Variants in VPS13B observed in about 807,000 individuals in gnomAD.
The protein encoded by VPS13B is vacuolar protein sorting 13 homolog B, also known as intermembrane lipid transfer protein VPS13B.
A neutral mutation model predicts 426.4 loss-of-function variants in VPS13B; 285 were observed. The observed-to-expected ratio is 0.67, with a 90% CI of 0.61 to 0.74. The LOEUF is 0.74. VPS13B is among the 30% of genes least tolerant of loss of function. The pLI is 0.00. For missense variants in VPS13B, 4,537 were observed against 4,782.6 expected, an observed-to-expected ratio of 0.95 and a Z score of 1.51; for synonymous variants, 1,676 against 1,676.4, an observed-to-expected ratio of 1.00 and a Z score of 0.01.
intron 25 of VPS13B, among the ~76,000 whole-genome samples, chr8:99,494,091 T>A (rs958191774): frequency 6.6e-6 from 1 of 152,136 alleles, no homozygotes; most frequent in African/African-American, 2.4e-5. Flanking sequence ...TTTGTTACTG[T>A]ACAATCATGA....
rs192796922 is a variant in VPS13B at position 99,724,344 on chromosome 8, C to G, written c.7050+3297C>G. ...AATTTCATCTGTTGTCAGAATCATT[C>G]TCCTACCATATGTGATTATTTCTGG... On this transcript the variant is annotated intron_variant, in intron 39 of 61. Coordinates refer to ENST00000357162, the MANE Select transcript of VPS13B (RefSeq NM_152564.5). Among the ~76,000 whole-genome samples the G allele has an allele frequency of 2.6e-5, 4 of 152,156 alleles. No homozygotes were observed. In the South Asian group the frequency reaches 8.3e-4, roughly 32 times the overall value.
intron 19 of VPS13B, among the ~76,000 whole-genome samples, chr8:99,277,994 G>T (rs536576717): frequency 3.1e-4 from 47 of 152,208 alleles, no homozygotes; most frequent in Non-Finnish European, 3.8e-4. Flanking sequence ...GGAAGAAAAA[G>T]ATGTTAGGTG....
chr8:99,198,852 A>G (rs186378415), intron 17 of VPS13B, among the ~76,000 whole-genome samples: 193 of 152,084 alleles, frequency 1.3e-3, no homozygotes, highest in Non-Finnish European at 2.1e-3. Flanking sequence ...TTTCCCCCCG[A>G]GAACAAAACC....
At chr8:99,797,248 T>A (rs891001343) in intron 43 of VPS13B, 1 of 150,254 alleles carries the variant, frequency 6.7e-6, no homozygotes, top group Non-Finnish European at 1.5e-5. Context: ...TTATTATTAT[T>A]TTTTTTTTTG....
chr8:99,623,657 A>G lies in VPS13B; in HGVS notation c.5221-18154A>G, dbSNP rs141834163. 2.3e-3 allele frequency among the ~76,000 whole-genome samples: 351 copies of G among 152,306 alleles called. 2 individuals are homozygous for G. Among genetic ancestry groups the G allele is most frequent in the African/African-American group, 7.9e-3 (327 of 41,552 alleles). On this transcript the variant is annotated intron_variant, in intron 33 of 61. Transcript: ENST00000357162. ...GCTTCTGGTAGCAGTTGACCAATAC[A>G]GAGCCTTATGTGGTAAAACTACAGA...
intron 16 of VPS13B, among the ~76,000 whole-genome samples, chr8:99,184,819 C>T (rs969058298): frequency 3.9e-5 from 6 of 151,984 alleles, no homozygotes; most frequent in Non-Finnish European, 5.9e-5. Context: ...GGCGAAACCC[C>T]GTCTCTACCA....
chr8:99,448,411 T>A (rs1327102204), intron 23 of VPS13B, among the ~76,000 whole-genome samples: 1 of 152,150 alleles, frequency 6.6e-6, no homozygotes, highest in East Asian at 1.9e-4. Context: ...TCTCTTTTGG[T>A]CTTAAAAAAC....
At chr8:99,534,683 G>A (rs894765853) in intron 30 of VPS13B, among the ~76,000 whole-genome samples, 8 of 152,046 alleles carry the variant, frequency 5.3e-5, no homozygotes, top group Non-Finnish European at 1.2e-4. Flanking sequence ...TGGGACTTCT[G>A]GAATATGATG....
intron 16 of VPS13B, among the ~76,000 whole-genome samples, chr8:99,190,552 G>T (rs1231685045): frequency 6.6e-6 from 1 of 151,356 alleles, no homozygotes; most frequent in African/African-American, 2.4e-5. Flanking sequence ...ATTCCACTCT[G>T]TCTACACTAT....
intron 30 of VPS13B, among the ~76,000 whole-genome samples, chr8:99,521,641 G>C (rs549943270): frequency 3.3e-5 from 5 of 152,262 alleles, no homozygotes; most frequent in African/African-American, 1.2e-4. Context: ...AGACAGAAAA[G>C]TACAGTTGCA....
intron 17 of VPS13B, among the ~76,000 whole-genome samples, chr8:99,270,136 T>TTTTTTTTTTTTTTTTTTTC (rs1818509183): frequency 1.3e-5 from 1 of 77,722 alleles, no homozygotes; most frequent in Non-Finnish European, 2.5e-5. Context: ...AGAATCTTTT[T>TTTTTTTTTTTTTTTTTTTC]TTTTTTTTTT....
chr8:99,332,630 G>C (rs1810607205), intron 19 of VPS13B, among the ~76,000 whole-genome samples: 1 of 151,562 alleles, frequency 6.6e-6, no homozygotes, highest in Non-Finnish European at 1.5e-5. Flanking sequence ...ACAGTCATAG[G>C]CTATTCTTCA....
intron 17 of VPS13B, among the ~76,000 whole-genome samples, chr8:99,224,637 A>G (rs1815913528): frequency 6.6e-6 from 1 of 152,200 alleles, no homozygotes; most frequent in South Asian, 2.1e-4. Context: ...ATAGGACAAC[A>G]TTAAAGGAAA....
At chr8:99,762,649 A>T (rs1194647808) in intron 39 of VPS13B, among the ~76,000 whole-genome samples, 2 of 152,212 alleles carry the variant, frequency 1.3e-5, no homozygotes, top group East Asian at 3.8e-4. Flanking sequence ...AACTTACCTG[A>T]TTCTGGCAAC....
intron 20 of VPS13B, among the ~76,000 whole-genome samples, chr8:99,385,333 C>T (rs1163414700): frequency 6.6e-6 from 1 of 152,086 alleles, no homozygotes; most frequent in Non-Finnish European, 1.5e-5. Flanking sequence ...TATAATTTTG[C>T]AATATCCTAT....
chr8:99,034,080 T>G (rs1309136450), intron 2 of VPS13B, among the ~76,000 whole-genome samples: 1 of 152,222 alleles, frequency 6.6e-6, no homozygotes, highest in Non-Finnish European at 1.5e-5. Context: ...AATTGGACAT[T>G]TTGTGTAATA....
Position 99,231,472 on chromosome 8 carries a change from TTCTC to T in VPS13B, c.2515+38423_2515+38426del, listed in dbSNP as rs537794468. Among the ~76,000 whole-genome samples, 10 of 152,276 alleles carry T rather than the reference TTCTC, an allele frequency of 6.6e-5. 1 individual carries two copies. The South Asian group carries it at 2.1e-3, about 32-fold the overall frequency. On this transcript the variant is annotated intron_variant, in intron 17 of 61. Coordinates refer to ENST00000357162, the MANE Select transcript of VPS13B (RefSeq NM_152564.5). ...ATTAAAATTCACGGCATCTCCAATA[TTCTC>T]TCTCTCTTTTTCTTTGTCATCTTTT...
intron 7 of VPS13B, among the ~76,000 whole-genome samples, chr8:99,116,798 T>G (rs1195656802): frequency 6.6e-6 from 1 of 152,196 alleles, no homozygotes; most frequent in Non-Finnish European, 1.5e-5. Context: ...ATAATAGTAT[T>G]GGTAATTTTT....
chr8:99,141,620 G>A (rs1810426144), intron 12 of VPS13B, among the ~76,000 whole-genome samples: 2 of 152,246 alleles, frequency 1.3e-5, no homozygotes, highest in South Asian at 2.1e-4. Context: ...TACAAAATAT[G>A]TATAAGATTA....
Sources: gnomAD v4.1 joint callset for allele counts (sites outside exome capture counted in the v4.1 genomes callset) on GRCh38, gnomAD v4.1.1 for gene constraint, MANE v1.5 for transcripts, NCBI Gene and HGNC (gene_info 2026-07-23, HGNC 2026-07-21) for gene names.